Variants in DMXL1 observed in about 807,000 individuals in gnomAD.
DMXL1 encodes Dmx like 1, also known as dmX-like protein 1.
Under a neutral mutation model 319.2 loss-of-function variants are expected in DMXL1, and 99 were observed. The ratio of observed to expected loss-of-function variants is 0.31; its 90% CI spans 0.26 to 0.37. The LOEUF (loss-of-function observed/expected upper bound fraction) is 0.37, where lower values mean the gene tolerates loss of function less well. Among genes scored for constraint, DMXL1 ranks in the 10% least tolerant of loss-of-function variants. The probability of loss-of-function intolerance (pLI) is 1.00; values close to 1 mark genes in which losing one functional copy is unlikely to be tolerated. For synonymous variants in DMXL1, 1,385 were observed against 1,235.2 expected (o/e 1.12, Z -2.54); for missense variants, 3,745 against 3,595.6 (o/e 1.04, Z -1.06).
rs1210977653 is a variant in DMXL1 at position 119,150,326 on chromosome 5, G to A, written c.4499G>A (p.Gly1500Glu). 4 of 1,613,644 alleles carry A rather than the reference G, an allele frequency of 2.5e-6. No individual in the cohort carries two copies. Among genetic ancestry groups the A allele is most frequent in the Non-Finnish European group, 3.4e-6 (4 of 1,179,832 alleles). ...CACTTACTTCATTCTAGTTTACCAG[G>A]ACTCAGCCGGATGGAGCAGATGTCT... The part of the protein sequence containing the change: ...SGHLLHSSLP[G>E]LSRMEQMSLM... Residue 1500 changes from glycine (G) to glutamate (E), a missense_variant, in exon 18 of 44, where the codon GGA becomes GAA. This residue lies in a region of DMXL1 where 2,096 missense variants were observed against 1,985.4 expected (regional missense o/e 1.06). Coordinates refer to ENST00000539542, the MANE Select transcript of DMXL1 (RefSeq NM_001290321.3).
intron 33 of DMXL1, among the ~76,000 whole-genome samples, chr5:119,203,906 C>T (rs955510584): frequency 2.6e-5 from 4 of 151,938 alleles, no homozygotes; most frequent in African/African-American, 4.8e-5. Flanking sequence ...CTGCAAGCTC[C>T]GCACCTCCCA....
Position 119,173,668 on chromosome 5 carries a change from A to ATGTGTGTGTGTG in DMXL1, c.6682-1590_6682-1589insGTGTGTGTGTGT, listed in dbSNP as rs1461681311. Reference sequence around the variant, plus strand: ...TCACCAAAGAAACAGAATCAGTAGGATGTATGTGTGTGTGTGTGTGTGTGT... The same window carrying ATGTGTGTGTGTG: ...TCACCAAAGAAACAGAATCAGTAGGATGTGTGTGTGTGTGTATGTGTGTGTGTGTGTGTGTGT... On this transcript the variant is annotated intron_variant, in intron 25 of 43. Transcript: ENST00000539542. Among the ~76,000 whole-genome samples, 729 of 100,476 alleles carry ATGTGTGTGTGTG rather than the reference A, an allele frequency of 7.3e-3. 6 individuals are homozygous for ATGTGTGTGTGTG. The highest frequency in any genetic ancestry group is 0.021 in the African/African-American group (691 of 33,036). 65.9% of individuals were successfully genotyped at this position (100,476 alleles called of 152,430 possible). A position where few individuals can be genotyped will look rare whatever the true frequency, so the allele number is the denominator to read the frequency against.
In DMXL1 at chr5:119,133,293, C is replaced by G. The variant is rs757382578; in HGVS notation, c.1477C>G (p.Leu493Val). ...TGAATGGAGTAAAAATGCAGATATG[C>G]TATTTAGTATTCATCCCATGGATGG... ...LSEWSKNADM[L>V]FSIHPMDGSL... Residue 493 changes from leucine (L) to valine (V), a missense_variant, in exon 11 of 44, where the codon CTA (leucine) becomes GTA (valine). Transcript: ENST00000539542. The G allele has an allele frequency of 6.2e-7, 1 of 1,613,982 alleles. No individual in the cohort carries two copies. Among genetic ancestry groups the G allele is most frequent in the Non-Finnish European group, 8.5e-7 (1 of 1,179,978 alleles).
At chr5:119,176,631 A>G (rs1328854923) in intron 26 of DMXL1, among the ~76,000 whole-genome samples, 1 of 152,100 alleles carries the variant, frequency 6.6e-6, no homozygotes, top group African/African-American at 2.4e-5. Flanking sequence ...TGCCAATCAT[A>G]ACACATTTAC....
At position 119,211,626 on chromosome 5, in the gene DMXL1, A is replaced by G. The variant is rs116898477; in HGVS notation, c.7926+4730A>G. On this transcript the variant is annotated intron_variant, in intron 34 of 43. Transcript: ENST00000539542. Reference sequence around the variant, plus strand: ...ATTTATATTCCCTAATATTTGGGGTATTGACACCATTTTATGTTCACCTGA... The same window carrying G: ...ATTTATATTCCCTAATATTTGGGGTGTTGACACCATTTTATGTTCACCTGA... 2.4e-3 allele frequency among the ~76,000 whole-genome samples: 358 copies of G among 152,330 alleles called. 10 individuals carry two copies. The East Asian group carries it at 0.059, about 25-fold the overall frequency.
At chr5:119,156,940 T>A (rs1006680399) in intron 19 of DMXL1, among the ~76,000 whole-genome samples, 2 of 152,166 alleles carry the variant, frequency 1.3e-5, no homozygotes, top group African/African-American at 4.8e-5. Context: ...TATCAAGCGC[T>A]TTTTTCATTT....
intron 34 of DMXL1, among the ~76,000 whole-genome samples, chr5:119,208,828 C>G (rs985676431): frequency 6.6e-6 from 1 of 152,076 alleles, no homozygotes; most frequent in African/African-American, 2.4e-5. Context: ...TCCATCAGTC[C>G]CCAGAATTTA....
chr5:119,080,190 A>G (rs1487596267), intron 1 of DMXL1, among the ~76,000 whole-genome samples: 1 of 152,050 alleles, frequency 6.6e-6, no homozygotes, highest in East Asian at 1.9e-4. Flanking sequence ...TACTAAAAAT[A>G]CAAAAAATTA....
intron 19 of DMXL1, among the ~76,000 whole-genome samples, chr5:119,155,175 C>G (rs1326678851): frequency 1.3e-5 from 2 of 152,196 alleles, no homozygotes; most frequent in Admixed American, 6.5e-5. Context: ...ACACAACATT[C>G]ATTTTGCAGT....
intron 1 of DMXL1, among the ~76,000 whole-genome samples, chr5:119,074,092 A>G (rs1372423418): frequency 6.6e-6 from 1 of 151,730 alleles, no homozygotes; most frequent in Non-Finnish European, 1.5e-5. Flanking sequence ...CTAATTTTGT[A>G]TTTTTTAGTA....
rs762489674 is a variant in DMXL1 at position 119,193,810 on chromosome 5, A to C, written c.7315-18A>C. ...ATTAGATATGTGGCTGCTAAATTTC[A>C]TGATTTCTTTATTTTAGCCTTTTCT... On this transcript the variant is annotated intron_variant, in intron 29 of 43. Coordinates refer to ENST00000539542, the MANE Select transcript of DMXL1 (RefSeq NM_001290321.3). 3.1e-6 allele frequency: 5 copies of C among 1,608,526 alleles called. No homozygotes were observed. The South Asian group carries it at 5.5e-5, about 18-fold the overall frequency.
intron 9 of DMXL1, among the ~76,000 whole-genome samples, chr5:119,122,260 G>T (rs1311270184): frequency 6.8e-6 from 1 of 146,274 alleles, no homozygotes; most frequent in Admixed American, 6.7e-5. Context: ...GGCTGGGCGG[G>T]GGGCCGACCA....
chr5:119,133,138 A>T lies in DMXL1; in HGVS notation c.1322A>T (p.Asp441Val), dbSNP rs759949723. The stretch of plus-strand genomic sequence containing the variant: ...TGAACTCTTTTGCTTATAGAAACTG[A>T]TGATGGTGTTGATGATCTGAAAATA... ...QADVKSDEET[D>V]DGVDDLKINP... Residue 441 changes from aspartate to valine, a missense_variant, in exon 11 of 44, where the codon GAT (aspartate) becomes GTT (valine). Coordinates refer to ENST00000539542, the MANE Select transcript of DMXL1 (RefSeq NM_001290321.3). 1.2e-6 allele frequency: 2 copies of T among 1,613,692 alleles called. No individual in the cohort carries two copies. Among genetic ancestry groups the T allele is most frequent in the African/African-American group, 1.3e-5 (1 of 74,884 alleles).
At chr5:119,139,194 A>C (rs1051504328) in intron 13 of DMXL1, among the ~76,000 whole-genome samples, 1 of 152,204 alleles carries the variant, frequency 6.6e-6, no homozygotes, top group Non-Finnish European at 1.5e-5. Flanking sequence ...AAATATACAC[A>C]GACCAGTAAC....
intron 43 of DMXL1, among the ~76,000 whole-genome samples, chr5:119,244,939 A>C (rs1021748726): frequency 6.6e-6 from 1 of 152,176 alleles, no homozygotes; most frequent in East Asian, 1.9e-4. Context: ...ATTGCTCGCC[A>C]GTTTTTCATA....
At chr5:119,245,615 C>T (rs1452505871) in intron 43 of DMXL1, among the ~76,000 whole-genome samples, 1 of 151,098 alleles carries the variant, frequency 6.6e-6, no homozygotes, top group Non-Finnish European at 1.5e-5. Flanking sequence ...TCTCGGCTCA[C>T]TGCAACCTCC....
At chr5:119,190,035 T>C (rs1292627233) in intron 29 of DMXL1, 149 bp downstream of exon 29, 1 of 621,388 alleles carries the variant, frequency 1.6e-6, no homozygotes, top group East Asian at 2.9e-5. Flanking sequence ...CAAAAATATA[T>C]ACCCTAGAAT....
At chr5:119,239,406 A>G (rs1788346076) in intron 41 of DMXL1, among the ~76,000 whole-genome samples, 1 of 152,136 alleles carries the variant, frequency 6.6e-6, no homozygotes, top group Non-Finnish European at 1.5e-5. Context: ...GGATTGTAAG[A>G]CTATAGATTC....
chr5:119,138,924 T>C (rs1340630807), intron 13 of DMXL1: 1 of 152,216 alleles, frequency 6.6e-6, no homozygotes, highest in Non-Finnish European at 1.5e-5. Flanking sequence ...ATGGCTCCTG[T>C]GCAAGGATGA....
Sources: gnomAD v4.1 joint callset for allele counts (sites outside exome capture counted in the v4.1 genomes callset) on GRCh38, gnomAD v4.1.1 for gene constraint, gnomAD v4.1.1 regional missense constraint, MANE v1.5 for transcripts, NCBI Gene and HGNC (gene_info 2026-07-23, HGNC 2026-07-21) for gene names.